Variants in SCN3A observed in about 807,000 individuals in gnomAD.
SCN3A encodes sodium voltage-gated channel alpha subunit 3.
Under a neutral mutation model 187.6 loss-of-function variants are expected in SCN3A, and 60 were observed. The ratio of observed to expected loss-of-function variants is 0.32; its 90% CI spans 0.26 to 0.40. The LOEUF is 0.40. Among genes scored for constraint, SCN3A ranks in the 10% least tolerant of loss-of-function variants. The probability of loss-of-function intolerance (pLI) is 1.00; values close to 1 mark genes in which losing one functional copy is unlikely to be tolerated. For synonymous variants in SCN3A, 788 were observed against 829.2 expected, an observed-to-expected ratio of 0.95 and a Z score of 0.85; for missense variants, 1,601 against 2,428.2, an observed-to-expected ratio of 0.66 and a Z score of 7.16.
At chr2:165,163,872 G>A (rs1430497249) in intron 6 of SCN3A, 163 bp from the exon 7 acceptor site, 2 of 1,613,720 alleles carry the variant, frequency 1.2e-6, no homozygotes, top group Non-Finnish European at 1.7e-6. Flanking sequence ...CATTGCCTAG[G>A]CTTACAAATT....
rs1182998382 is a variant in SCN3A, at chr2:165,162,482, C to A, written c.967+74G>T. ...AGTTATTTACAAAGGTGGCTGTACA[C>A]CCACAGTCTCAACTATTTATAGTTG... On this transcript the variant is annotated intron_variant, in intron 8 of 27. Coordinates refer to ENST00000283254, the MANE Select transcript of SCN3A (RefSeq NM_006922.4). 1.2e-5 allele frequency: 19 copies of A among 1,596,564 alleles called. No individual in the cohort carries two copies. The East Asian group carries it at 3.6e-4, about 30-fold the overall frequency.
intron 2 of SCN3A, among the ~76,000 whole-genome samples, chr2:165,184,595 G>T (rs879413740): frequency 2.0e-5 from 3 of 151,862 alleles, no homozygotes; most frequent in Non-Finnish European, 4.4e-5. Context: ...CTACCTTACT[G>T]GGAGGTTACT....
intron 18 of SCN3A, among the ~76,000 whole-genome samples, chr2:165,118,566 C>T (rs1686485615): frequency 6.6e-6 from 1 of 152,134 alleles, no homozygotes; most frequent in Admixed American, 6.5e-5. Flanking sequence ...GTTGAAGAAT[C>T]TGCCTCAGTC....
chr2:165,164,249 A>G (rs941066243), intron 6 of SCN3A, 143 bp downstream of exon 6: 2 of 1,023,708 alleles, frequency 2.0e-6, no homozygotes, highest in African/African-American at 3.3e-5. Context: ...TATGTATTCT[A>G]ATATGTATTC....
intron 9 of SCN3A, among the ~76,000 whole-genome samples, chr2:165,157,020 C>T (rs1444086350): frequency 6.6e-6 from 1 of 152,106 alleles, no homozygotes; most frequent in Non-Finnish European, 1.5e-5. Flanking sequence ...ACACCATTCT[C>T]CTGCCTCAGC....
Position 165,140,553 on chromosome 2 carries a change from T to C in SCN3A, c.2019+98A>G, listed in dbSNP as rs1687945005. On this transcript the variant is annotated intron_variant, in intron 13 of 27. Coordinates refer to ENST00000283254, the MANE Select transcript of SCN3A (RefSeq NM_006922.4). The surrounding 1 kb of genome is among the most constrained non-coding windows in gnomAD (Gnocchi z 4.2). ...TGTATTATTTTTACCAACTTTCATT[T>C]TGAGGAAGCAGGACGGTATGACAGC... The C allele has an allele frequency of 3.6e-5, 36 of 999,518 alleles. 3 individuals carry two copies. The South Asian group carries it at 3.9e-4, about 11-fold the overall frequency. 61.9% of individuals were successfully genotyped at this position (999,518 alleles called of 1,614,324 possible).
chr2:165,201,746 C>A (rs943210132), intron 1 of SCN3A, among the ~76,000 whole-genome samples: 1 of 152,004 alleles, frequency 6.6e-6, no homozygotes, highest in Admixed American at 6.6e-5. Context: ...GGCCAAGAAA[C>A]GCCCCTATTT....
At chr2:165,161,551 A>G (rs1301445075) in intron 9 of SCN3A, among the ~76,000 whole-genome samples, 1 of 152,160 alleles carries the variant, frequency 6.6e-6, no homozygotes, top group African/African-American at 2.4e-5. Context: ...TGGCTACACC[A>G]GTTTCCCTTT....
Position 165,090,087 on chromosome 2 carries a change from C to T in SCN3A, c.*63G>A. 1 of 1,544,806 alleles carries T rather than the reference C, an allele frequency of 6.5e-7. No individual in the cohort carries two copies. The highest frequency in any genetic ancestry group is 2.4e-5 in the East Asian group (1 of 40,954). On this transcript the variant is annotated 3_prime_UTR_variant, in exon 28 of 28. Transcript: ENST00000283254. This position sits in a 1 kb window ranked among gnomAD's most constrained non-coding sequence, Gnocchi z 4.0. ...GGACCTCCTCTTGAAGTCCAGTTGA[C>T]ACATATACTTTACCTTCATAGGCTG...
rs1335449033 is a variant in SCN3A at position 165,090,617 on chromosome 2, G to A, written c.5536C>T (p.Arg1846Trp). 12 of 1,613,848 alleles carry A rather than the reference G, an allele frequency of 7.4e-6. No homozygotes were observed. The highest frequency in any genetic ancestry group is 1.1e-5 in the South Asian group (1 of 91,074). ...AMDLPMVSGD[R>W]IHCLDILFAF... ...AATAAAATATCAAGACAGTGGATCC[G>A]GTCACCACTGACCATGGGCAGATCC... The change falls in exon 28 of 28, where the codon CGG becomes TGG. Residue 1846 changes from arginine to tryptophan, a missense_variant. Around this residue, in one of 11 missense-constraint regions of SCN3A, gnomAD observed 110 missense variants for 175.9 expected, o/e 0.63. Coordinates refer to ENST00000283254, the MANE Select transcript of SCN3A (RefSeq NM_006922.4). This position sits in a 1 kb window ranked among gnomAD's most constrained non-coding sequence, Gnocchi z 4.0.
intron 1 of SCN3A, among the ~76,000 whole-genome samples, chr2:165,200,336 G>A (rs1404160577): frequency 6.6e-6 from 1 of 151,994 alleles, no homozygotes; most frequent in Non-Finnish European, 1.5e-5. Context: ...CCAACCTTCA[G>A]TGAGTTCATG....
chr2:165,199,591 TAA>T lies in SCN3A; in HGVS notation c.-248+4230_-248+4231del, dbSNP rs531382915. On this transcript the variant is annotated intron_variant, in intron 1 of 27. Coordinates refer to ENST00000283254, the MANE Select transcript of SCN3A (RefSeq NM_006922.4). ...AGAAGTGGGATATTAAAAAAAGTAA[TAA>T]AAAAAAAAAATACTTGGCACATTGA... 6.9e-3 allele frequency among the ~76,000 whole-genome samples: 1,009 copies of T among 145,228 alleles called. 10 individuals are homozygous for T. The highest frequency in any genetic ancestry group is 0.024 in the African/African-American group (953 of 40,314).
intron 5 of SCN3A, among the ~76,000 whole-genome samples, chr2:165,165,090 T>G (rs927186124): frequency 6.6e-6 from 1 of 152,186 alleles, no homozygotes; most frequent in Non-Finnish European, 1.5e-5. Flanking sequence ...TTATTCAAAT[T>G]TCTTAATGAG....
At position 165,140,928 on chromosome 2, in the gene SCN3A, C is replaced by T. The variant is rs1454381527; in HGVS notation, c.1742G>A (p.Arg581Lys). The T allele has an allele frequency of 6.2e-7, 1 of 1,614,058 alleles. No individual in the cohort carries two copies. The highest frequency in any genetic ancestry group is 1.7e-5 in the Admixed American group (1 of 59,996). The change falls in exon 13 of 28, where the codon AGA becomes AAA. Residue 581 changes from arginine (R) to lysine (K), a missense_variant. This residue lies in a region of SCN3A where 376 missense variants were observed against 476.0 expected (regional missense o/e 0.79). Transcript: ENST00000283254. The surrounding 1 kb of genome is among the most constrained non-coding windows in gnomAD (Gnocchi z 4.2). ...RNSKTSIFSF[R>K]GRAKDVGSEN... The stretch of plus-strand genomic sequence containing the variant: ...AGATCCAACATCCTTTGCCCGACCT[C>T]TGAAACTGAAAATGCTTGTTTTGCT...
chr2:165,109,976 GCTT>G (rs1036956255), intron 21 of SCN3A, among the ~76,000 whole-genome samples: 9 of 151,968 alleles, frequency 5.9e-5, no homozygotes, highest in African/African-American at 2.2e-4. Context: ...AAGCGCTTCT[GCTT>G]CTTCTCCTCT....
intron 18 of SCN3A, among the ~76,000 whole-genome samples, chr2:165,127,137 C>T (rs1163743856): frequency 6.6e-6 from 1 of 152,182 alleles, no homozygotes; most frequent in African/African-American, 2.4e-5. Flanking sequence ...TGGCTCACTG[C>T]AGCCTCTACC....
rs186044537 is a variant in SCN3A, at chr2:165,132,843, C to A, written c.2392-1426G>T. On this transcript the variant is annotated intron_variant, in intron 15 of 27. Coordinates refer to ENST00000283254, the MANE Select transcript of SCN3A (RefSeq NM_006922.4). ...AGATACTACCGTCAGAGTGAACAGGCAACCTACAAAATGGGAGGAAATTTT... is the reference window on the plus strand; with the variant it reads ...AGATACTACCGTCAGAGTGAACAGGAAACCTACAAAATGGGAGGAAATTTT... 3.1e-3 allele frequency among the ~76,000 whole-genome samples: 479 copies of A among 152,214 alleles called. 2 individuals carry two copies. Among genetic ancestry groups the A allele is most frequent in the African/African-American group, 9.7e-3 (401 of 41,530 alleles).
intron 21 of SCN3A, among the ~76,000 whole-genome samples, chr2:165,106,737 T>G (rs1292285057): frequency 6.6e-6 from 1 of 152,224 alleles, no homozygotes; most frequent in Admixed American, 6.5e-5. Context: ...AACGCTTGTT[T>G]GCCTTTACTG....
chr2:165,175,810 G>A (rs907443817), intron 3 of SCN3A, among the ~76,000 whole-genome samples: 1 of 152,048 alleles, frequency 6.6e-6, no homozygotes, highest in African/African-American at 2.4e-5. Flanking sequence ...TTATTCTGTA[G>A]TCTACCCTGT....
Sources: allele counts gnomAD v4.1 joint callset (sites outside exome capture counted in the v4.1 genomes callset), GRCh38; gene constraint gnomAD v4.1.1; regional missense constraint gnomAD v4.1.1; non-coding constraint Gnocchi (gnomAD v3.1); transcripts MANE v1.5; gene names NCBI Gene and HGNC (gene_info 2026-07-23, HGNC 2026-07-21).